SPATA7: variants seen among roughly 807,000 people sequenced by gnomAD.
SPATA7 encodes the protein spermatogenesis associated 7, also known as spermatogenesis-associated protein 7.
Under a neutral mutation model 51.8 loss-of-function variants are expected in SPATA7, and 43 were observed. The observed-to-expected ratio is 0.83, with a 90% CI of 0.65 to 1.07. The LOEUF is 1.07. SPATA7 is among the 50% of genes least tolerant of loss of function. SPATA7 has a pLI of 0.00. For synonymous variants in SPATA7, 230 were observed against 252.8 expected, an observed-to-expected ratio of 0.91 and a Z score of 0.86; for missense variants, 683 against 701.3, an observed-to-expected ratio of 0.97 and a Z score of 0.30.
intron 4 of SPATA7, among the ~76,000 whole-genome samples, chr14:88,399,051 C>CAAAAAA (rs962205139): frequency 1.6e-5 from 1 of 63,236 alleles, no homozygotes; most frequent in Non-Finnish European, 3.4e-5. Flanking sequence ...GACTCCGTCT[C>CAAAAAA]AAAAAAAAAA....
chr14:88,388,648 T>A (rs2075650651), intron 1 of SPATA7, among the ~76,000 whole-genome samples: 1 of 151,846 alleles, frequency 6.6e-6, no homozygotes. Flanking sequence ...TCTCAGCATT[T>A]TAGGAGGCTG....
chr14:88,461,023 A>G (rs138760872), intron 4 of SPATA7, among the ~76,000 whole-genome samples: 5,779 of 152,284 alleles, frequency 0.038, 360 homozygotes, highest in African/African-American at 0.13. Flanking sequence ...GCAGAACAGC[A>G]CATATTGCTG....
At chr14:88,465,469 A>AAAT (rs1178656484) in intron 4 of SPATA7, among the ~76,000 whole-genome samples, 1 of 151,996 alleles carries the variant, frequency 6.6e-6, no homozygotes, top group Non-Finnish European at 1.5e-5. Context: ...TCCGTCTCAA[A>AAAT]AATAAAAAAT....
intron 3 of SPATA7, among the ~76,000 whole-genome samples, chr14:88,448,179 C>A (rs945315843): frequency 8.5e-5 from 13 of 152,078 alleles, no homozygotes; most frequent in Non-Finnish European, 1.6e-4. Context: ...AGGCTTTGCT[C>A]GTTTCTTTTT....
At chr14:88,459,608 C>G (rs1192319921), downstream of SPATA7, among the ~76,000 whole-genome samples, 1 of 152,076 alleles carries the variant, frequency 6.6e-6, no homozygotes, top group African/African-American at 2.4e-5. Flanking sequence ...CTATGTGAGT[C>G]TCTGCATGTG....
chr14:88,416,600 A>C, intron 4 of SPATA7, 111 bp from the exon 5 acceptor site: 1 of 1,010,546 alleles, frequency 9.9e-7, no homozygotes, highest in South Asian at 1.5e-5. Context: ...ATTTTTATTT[A>C]CATATCATAA....
At chr14:88,429,527 A>G (rs1472107783) in intron 8 of SPATA7, 64 bp downstream of exon 8, 1 of 1,056,542 alleles carries the variant, frequency 9.5e-7, no homozygotes, top group African/African-American at 1.6e-5. Context: ...TAACAGACAT[A>G]TAGTATTTGC....
intron 3 of SPATA7, among the ~76,000 whole-genome samples, chr14:88,454,163 C>T (rs1241225071): frequency 1.3e-5 from 2 of 152,182 alleles, no homozygotes; most frequent in Admixed American, 6.5e-5. Flanking sequence ...TAAAATCAAG[C>T]TATTGCTGGA....
downstream of SPATA7, among the ~76,000 whole-genome samples, chr14:88,441,322 T>C (rs2077177428): frequency 6.6e-6 from 1 of 152,308 alleles, no homozygotes; most frequent in South Asian, 2.1e-4. Context: ...GTGCAAGTTA[T>C]CTTTTTTGTA....
chr14:88,406,628 T>G (rs988400061), intron 4 of SPATA7: 2 of 152,658 alleles, frequency 1.3e-5, no homozygotes, highest in Non-Finnish European at 1.5e-5. Context: ...TTATTATTAT[T>G]ATTATACGTT....
intron 5 of SPATA7, among the ~76,000 whole-genome samples, chr14:88,418,159 C>T (rs1173369638): frequency 6.6e-6 from 1 of 152,038 alleles, no homozygotes; most frequent in African/African-American, 2.4e-5. Context: ...CTTCATCATT[C>T]TCATCAGAGA....
chr14:88,443,798 A>C (rs2077194306), intron 3 of SPATA7, among the ~76,000 whole-genome samples: 1 of 152,108 alleles, frequency 6.6e-6, no homozygotes, highest in Non-Finnish European at 1.5e-5. Context: ...CCATGTTCCC[A>C]CAAAGGACAT....
At chr14:88,411,572 T>G (rs185418919) in intron 4 of SPATA7, among the ~76,000 whole-genome samples, 7 of 150,876 alleles carry the variant, frequency 4.6e-5, no homozygotes, top group Admixed American at 4.6e-4. Context: ...TGGGCCAGAG[T>G]GCACACCGTT....
At chr14:88,450,812 C>G (rs952556568) in intron 3 of SPATA7, among the ~76,000 whole-genome samples, 15 of 152,092 alleles carry the variant, frequency 9.9e-5, no homozygotes, top group African/African-American at 3.6e-4. Context: ...CCCAGGTGTT[C>G]TTTGAACTTC....
chr14:88,390,034 C>T (rs1198920466), intron 1 of SPATA7, among the ~76,000 whole-genome samples: 1 of 152,210 alleles, frequency 6.6e-6, no homozygotes, highest in Non-Finnish European at 1.5e-5. Flanking sequence ...GATCCCAAAT[C>T]TGTCACATTC....
chr14:88,449,087 A>G (rs1289758437), intron 3 of SPATA7, among the ~76,000 whole-genome samples: 1 of 151,030 alleles, frequency 6.6e-6, no homozygotes, highest in Non-Finnish European at 1.5e-5. Flanking sequence ...GATCTTAGTT[A>G]TTTCTTTACT....
rs995918261 is a variant in SPATA7, at chr14:88,469,967, T to C, written c.*100T>C. The C allele has an allele frequency of 4.3e-6, 7 of 1,614,100 alleles. No individual in the cohort carries two copies. Among genetic ancestry groups the C allele is most frequent in the Non-Finnish European group, 5.9e-6 (7 of 1,179,972 alleles). ...CTATAATTGCAATTCCCTGTTCCCA[T>C]ACCATCTGCCAAAAATCTTGACAGG... On this transcript the variant is annotated 3_prime_UTR_variant, in exon 5 of 5. Coordinates refer to the SPATA7 transcript ENST00000556406. The surrounding 1 kb of genome is among the most constrained non-coding windows in gnomAD (Gnocchi z 4.3).
intron 5 of SPATA7, among the ~76,000 whole-genome samples, chr14:88,421,313 A>G (rs1420218204): frequency 6.6e-6 from 1 of 152,004 alleles, no homozygotes; most frequent in Non-Finnish European, 1.5e-5. Flanking sequence ...AGAATCCCAG[A>G]TTCTCAAGCA....
intron 4 of SPATA7, chr14:88,468,211 C>T (rs749573614): frequency 6.2e-7 from 1 of 1,610,908 alleles, no homozygotes; most frequent in African/African-American, 1.3e-5. Flanking sequence ...AGAGTCTGCA[C>T]CAGCATCATT....
Sources: gnomAD v4.1 joint callset for allele counts (sites outside exome capture counted in the v4.1 genomes callset) on GRCh38, gnomAD v4.1.1 for gene constraint, Gnocchi (gnomAD v3.1) non-coding constraint, MANE v1.5 for transcripts, NCBI Gene and HGNC (gene_info 2026-07-23, HGNC 2026-07-21) for gene names.